ABCB9: variants seen among roughly 807,000 people sequenced by gnomAD.
The protein encoded by ABCB9 is ATP binding cassette subfamily B member 9.
A neutral mutation model predicts 62.0 loss-of-function variants in ABCB9; 36 were observed. That is an observed-to-expected ratio of 0.58 (90% CI 0.45 to 0.77). The LOEUF (loss-of-function observed/expected upper bound fraction) is 0.77, where lower values mean the gene tolerates loss of function less well. Ranked by LOEUF, ABCB9 falls within the 30% of genes least tolerant of loss-of-function variation. The probability of loss-of-function intolerance (pLI) is 0.00; values close to 1 mark genes in which losing one functional copy is unlikely to be tolerated. For missense variants in ABCB9, 943 were observed against 1,054.7 expected, an observed-to-expected ratio of 0.89 and a Z score of 1.47; for synonymous variants, 435 against 461.4, an observed-to-expected ratio of 0.94 and a Z score of 0.73.
At chr12:122,918,683 C>T (rs947212564), downstream of ABCB9, among the ~76,000 whole-genome samples, 8 of 152,164 alleles carry the variant, frequency 5.3e-5, no homozygotes, top group Admixed American at 4.6e-4. Context: ...GTCTCGAACT[C>T]CTGGGCTCAA....
chr12:122,949,120 A>G, intron 4 of ABCB9: 1 of 274,674 alleles, frequency 3.6e-6, no homozygotes, highest in Non-Finnish European at 6.8e-6. Context: ...TGACTGAGCC[A>G]GACTTCAAAC....
At chr12:122,958,169 C>CAAAAAA (rs34917345) in intron 2 of ABCB9, among the ~76,000 whole-genome samples, 5 of 72,218 alleles carry the variant, frequency 6.9e-5, no homozygotes, top group Middle Eastern at 7.6e-3. Flanking sequence ...GACTCCATCT[C>CAAAAAA]AAAAAAAAAA....
upstream of ABCB9, among the ~76,000 whole-genome samples, chr12:122,969,866 T>C (rs949891941): frequency 2.6e-5 from 4 of 152,200 alleles, no homozygotes; most frequent in Non-Finnish European, 5.9e-5. Flanking sequence ...CAACACCAAA[T>C]GCTGTCAGCG....
At chr12:122,958,078 G>A (rs2036701425) in intron 2 of ABCB9, among the ~76,000 whole-genome samples, 1 of 145,878 alleles carries the variant, frequency 6.9e-6, no homozygotes, top group African/African-American at 2.5e-5. Flanking sequence ...GCTGAGGCAG[G>A]AGAATCGCTT....
At chr12:122,957,664 CTTT>C (rs754788374) in intron 2 of ABCB9, among the ~76,000 whole-genome samples, 6 of 113,958 alleles carry the variant, frequency 5.3e-5, no homozygotes, top group Non-Finnish European at 3.7e-5. Context: ...ATATTAATAT[CTTT>C]TTTTTTTTTT....
At chr12:122,936,707 C>A (rs1160889827) in intron 9 of ABCB9, among the ~76,000 whole-genome samples, 3 of 151,932 alleles carry the variant, frequency 2.0e-5, no homozygotes, top group African/African-American at 2.4e-5. Flanking sequence ...GAGTTTGAGA[C>A]CAGCCTGACC....
intron 1 of ABCB9, chr12:122,973,043 C>T (rs1048793804): frequency 1.3e-5 from 2 of 152,182 alleles, no homozygotes; most frequent in Non-Finnish European, 2.9e-5. Flanking sequence ...GTAATAATAC[C>T]TTAAGCAGTC....
chr12:122,955,386 G>T (rs1349301339), intron 2 of ABCB9, among the ~76,000 whole-genome samples: 3 of 152,196 alleles, frequency 2.0e-5, no homozygotes, highest in Non-Finnish European at 4.4e-5. Flanking sequence ...GGTAAACAAG[G>T]TCATGGCATG....
chr12:122,930,863 G>A lies in ABCB9; in HGVS notation c.2041-692C>T, dbSNP rs992078036. Among the ~76,000 whole-genome samples, 6 of 152,078 alleles carry A rather than the reference G, an allele frequency of 3.9e-5. No individual in the cohort carries two copies. Among genetic ancestry groups the A allele is most frequent in the Admixed American group, 1.3e-4 (2 of 15,246 alleles). ...CTCTGTGTAACAAATGAATCAATCC[G>A]CGCATAGACTGAGGTTGCTAGCCAT... On this transcript the variant is annotated intron_variant, in intron 11 of 11. Coordinates refer to ENST00000280560, the MANE Select transcript of ABCB9 (RefSeq NM_019625.4). The surrounding 1 kb of genome is among the most constrained non-coding windows in gnomAD (Gnocchi z 4.9).
chr12:122,946,963 A>C (rs1187872447), intron 5 of ABCB9, among the ~76,000 whole-genome samples: 2 of 152,378 alleles, frequency 1.3e-5, no homozygotes, highest in East Asian at 3.9e-4. Flanking sequence ...GGCATGTCCC[A>C]TGACCATGTG....
Position 122,940,317 on chromosome 12 carries a change from A to C in ABCB9, c.1570-33T>G. 1 of 1,534,306 alleles carries C rather than the reference A, an allele frequency of 6.5e-7. No homozygotes were observed. Among genetic ancestry groups the C allele is most frequent in the Non-Finnish European group, 8.8e-7 (1 of 1,137,986 alleles). ...GAACACACAGGCACAGTGCGGGGTT[A>C]TCGGCTCAGGTCCCAGGACTGGATG... On this transcript the variant is annotated intron_variant, in intron 8 of 11. Coordinates refer to ENST00000280560, the MANE Select transcript of ABCB9 (RefSeq NM_019625.4). This position sits in a 1 kb window ranked among gnomAD's most constrained non-coding sequence, Gnocchi z 4.8.
In ABCB9 at chr12:122,941,000, GGA is replaced by G. The variant is rs1322457370; in HGVS notation, c.1381-7_1381-6del. ...ACTGTAGACGGAGCCCACGGACTGGGGAGAGGAGACACGCGTTCCTGTCCCAC... is the reference window on the plus strand; with the variant it reads ...ACTGTAGACGGAGCCCACGGACTGGGGAGGAGACACGCGTTCCTGTCCCAC... On this transcript the variant is annotated splice_region_variant and splice_polypyrimidine_tract_variant and intron_variant, in intron 7 of 11. Coordinates refer to ENST00000280560, the MANE Select transcript of ABCB9 (RefSeq NM_019625.4). The surrounding 1 kb of genome is among the most constrained non-coding windows in gnomAD (Gnocchi z 4.8). 1 of 1,588,474 alleles carries G rather than the reference GGA, an allele frequency of 6.3e-7. No homozygotes were observed. Among genetic ancestry groups the G allele is most frequent in the Admixed American group, 1.7e-5 (1 of 58,784 alleles).
chr12:122,928,592 G>A (rs995398295), downstream of ABCB9, among the ~76,000 whole-genome samples: 17 of 152,088 alleles, frequency 1.1e-4, no homozygotes, highest in Non-Finnish European at 8.8e-5. Context: ...TCCTGTGTCC[G>A]GGCCCAAACC....
upstream of ABCB9, among the ~76,000 whole-genome samples, chr12:122,969,696 C>T (rs967905120): frequency 4.0e-5 from 6 of 149,590 alleles, no homozygotes; most frequent in African/African-American, 1.5e-4. Flanking sequence ...GTGTCCATAC[C>T]ACTGAACTCC....
chr12:122,960,747 C>T (rs2036848221), intron 1 of ABCB9, among the ~76,000 whole-genome samples: 1 of 143,150 alleles, frequency 7.0e-6, no homozygotes, highest in South Asian at 2.2e-4. Flanking sequence ...GGTGACAGAG[C>T]GAGACTCCAT....
intron 11 of ABCB9, among the ~76,000 whole-genome samples, chr12:122,923,648 G>A (rs935463009): frequency 3.3e-5 from 5 of 152,092 alleles, no homozygotes; most frequent in Non-Finnish European, 7.4e-5. Context: ...GTGGAGCAAC[G>A]GTCCTTAACT....
At chr12:122,948,447 A>C in intron 5 of ABCB9, 177 bp downstream of exon 5, 1 of 616,946 alleles carries the variant, frequency 1.6e-6, no homozygotes, top group Non-Finnish European at 2.6e-6. Flanking sequence ...AGTGCCTGGG[A>C]CATAGCAGGT....
In ABCB9 at chr12:122,959,094, G is replaced by A. The variant is rs188517057; in HGVS notation, c.601+541C>T. ...GGGGCAGGCACCGTGGCTCACGCCT[G>A]TAATCCCAGCACTTTGGGAGGCCGA... On this transcript the variant is annotated intron_variant, in intron 2 of 11. Transcript: ENST00000280560. The surrounding 1 kb of genome is among the most constrained non-coding windows in gnomAD (Gnocchi z 5.4). Among the ~76,000 whole-genome samples the A allele has an allele frequency of 4.1e-5, 6 of 148,118 alleles. No individual in the cohort carries two copies. The highest frequency in any genetic ancestry group is 4.5e-4 in the East Asian group (2 of 4,462).
intron 11 of ABCB9, among the ~76,000 whole-genome samples, chr12:122,922,285 A>G (rs879522868): frequency 6.6e-6 from 1 of 152,072 alleles, no homozygotes; most frequent in East Asian, 1.9e-4. Flanking sequence ...AATATAACAA[A>G]CACATGGTAC....
Sources: gnomAD v4.1 joint callset for allele counts (sites outside exome capture counted in the v4.1 genomes callset) on GRCh38, gnomAD v4.1.1 for gene constraint, Gnocchi (gnomAD v3.1) non-coding constraint, MANE v1.5 for transcripts, NCBI Gene and HGNC (gene_info 2026-07-23, HGNC 2026-07-21) for gene names.